CEP126: variants seen among roughly 807,000 people sequenced by gnomAD.
The protein encoded by CEP126 is centrosomal protein 126.
A neutral mutation model predicts 107.8 loss-of-function variants in CEP126; 74 were observed. The ratio of observed to expected loss-of-function variants is 0.69; its 90% confidence interval spans 0.57 to 0.83. The LOEUF (loss-of-function observed/expected upper bound fraction) is 0.83, where lower values mean the gene tolerates loss of function less well. Among genes scored for constraint, CEP126 ranks in the 40% least tolerant of loss-of-function variants. The pLI is 0.00. For synonymous variants in CEP126, 449 were observed against 446.0 expected, an observed-to-expected ratio of 1.01 and a Z score of -0.08; for missense variants, 1,237 against 1,281.9, an observed-to-expected ratio of 0.96 and a Z score of 0.53.
At chr11:101,937,227 G>C (rs140810663) in intron 2 of CEP126, among the ~76,000 whole-genome samples, 40 of 152,314 alleles carry the variant, frequency 2.6e-4, no homozygotes, top group African/African-American at 9.6e-4. Flanking sequence ...ATCTGCGGTT[G>C]TTTGGTCATC....
intron 1 of CEP126, among the ~76,000 whole-genome samples, chr11:101,921,978 T>C (rs1940335490): frequency 6.6e-6 from 1 of 150,508 alleles, no homozygotes; most frequent in Non-Finnish European, 1.5e-5. Context: ...TAGAGACAGG[T>C]TTCACCGTGT....
At chr11:101,996,821 C>T (rs1941446868) in intron 10 of CEP126, among the ~76,000 whole-genome samples, 1 of 152,196 alleles carries the variant, frequency 6.6e-6, no homozygotes, top group East Asian at 1.9e-4. Context: ...TTCCTTCTGG[C>T]GTGCCTAACT....
chr11:101,947,881 A>G, intron 3 of CEP126, 150 bp from the exon 4 acceptor site: 1 of 368,978 alleles, frequency 2.7e-6, no homozygotes, highest in Non-Finnish European at 4.8e-6. Context: ...ATTGAATGTC[A>G]AAATTTAAAG....
Position 101,915,274 on chromosome 11 carries a change from T to G in CEP126, c.-11T>G. The G allele has an allele frequency of 6.2e-7, 1 of 1,613,242 alleles. No individual in the cohort carries two copies. The highest frequency in any genetic ancestry group is 8.5e-7 in the Non-Finnish European group (1 of 1,179,794). On this transcript the variant is annotated 5_prime_UTR_variant, in exon 1 of 11. Transcript: ENST00000263468. Reference sequence around the variant, plus strand: ...CTGGGGGCGAGCAGACAGGCGGCGCTGAAGTGAAGGATGCTGGCGGGGAGG... The same window carrying G: ...CTGGGGGCGAGCAGACAGGCGGCGCGGAAGTGAAGGATGCTGGCGGGGAGG...
chr11:101,988,009 C>T (rs1042798030), intron 9 of CEP126, among the ~76,000 whole-genome samples: 1 of 150,900 alleles, frequency 6.6e-6, no homozygotes, highest in Non-Finnish European at 1.5e-5. Flanking sequence ...AAAAAAGGCA[C>T]CAAGAAAAAA....
intron 5 of CEP126, among the ~76,000 whole-genome samples, chr11:101,960,094 A>C (rs569651205): frequency 8.5e-5 from 13 of 152,220 alleles, no homozygotes; most frequent in Non-Finnish European, 1.9e-4. Flanking sequence ...TACCACAGAA[A>C]GGCACCTAAA....
At chr11:101,970,449 ATAT>A (rs1294585689) in intron 6 of CEP126, among the ~76,000 whole-genome samples, 2 of 152,116 alleles carry the variant, frequency 1.3e-5, no homozygotes, top group African/African-American at 4.8e-5. Flanking sequence ...GGTGCTAGTA[ATAT>A]TCAGTTTCTT....
At chr11:101,939,614 C>G (rs1029789609) in intron 2 of CEP126, among the ~76,000 whole-genome samples, 1 of 152,148 alleles carries the variant, frequency 6.6e-6, no homozygotes, top group African/African-American at 2.4e-5. Context: ...CACTCAGTAC[C>G]AATGAGATGG....
chr11:101,978,956 C>T (rs1273567796), intron 7 of CEP126, among the ~76,000 whole-genome samples: 1 of 151,810 alleles, frequency 6.6e-6, no homozygotes, highest in African/African-American at 2.4e-5. Context: ...TGGTGAAACC[C>T]CCGTCTCTAC....
At chr11:101,922,992 C>T (rs1008308632) in intron 2 of CEP126, among the ~76,000 whole-genome samples, 1 of 152,066 alleles carries the variant, frequency 6.6e-6, no homozygotes, top group East Asian at 1.9e-4. Flanking sequence ...TGTCATAGAA[C>T]AGCTTATTGC....
intron 2 of CEP126, among the ~76,000 whole-genome samples, chr11:101,943,097 CT>C (rs1477361917): frequency 6.9e-6 from 1 of 145,032 alleles, no homozygotes; most frequent in Admixed American, 6.9e-5. Context: ...TTTTTTTTTT[CT>C]TGCCTATTTG....
chr11:101,973,126 A>T (rs1195997687), intron 6 of CEP126, among the ~76,000 whole-genome samples: 2 of 152,220 alleles, frequency 1.3e-5, no homozygotes, highest in Non-Finnish European at 2.9e-5. Context: ...AGCTTTGGAC[A>T]TCTACTGATG....
In CEP126 at chr11:101,958,370, T is replaced by C. The variant is rs577037057; in HGVS notation, c.705+4T>C. 1.4e-5 allele frequency: 22 copies of C among 1,610,088 alleles called. 1 individual carries two copies. Among genetic ancestry groups the C allele is most frequent in the African/African-American group, 8.0e-5 (6 of 74,820 alleles). On this transcript the variant is annotated splice_donor_region_variant and intron_variant, in intron 5 of 10. Coordinates refer to ENST00000263468, the MANE Select transcript of CEP126 (RefSeq NM_020802.4). ...TCAACATCTAAGCAATTTGCAAGTATGAAACTATAAAAATGTTGTTAATAT... is the reference window on the plus strand; with the variant it reads ...TCAACATCTAAGCAATTTGCAAGTACGAAACTATAAAAATGTTGTTAATAT...
At chr11:101,915,571 A>T (rs1940191701) in intron 1 of CEP126, among the ~76,000 whole-genome samples, 159 bp downstream of exon 1, 1 of 152,062 alleles carries the variant, frequency 6.6e-6, no homozygotes, top group African/African-American at 2.4e-5. Flanking sequence ...CTCACCTTAG[A>T]CCTGAAATTA....
chr11:101,925,254 T>C (rs1252028385), intron 2 of CEP126, among the ~76,000 whole-genome samples: 2 of 152,212 alleles, frequency 1.3e-5, no homozygotes, highest in Non-Finnish European at 1.5e-5. Context: ...ATATGCTTCT[T>C]TGTAGACCAA....
chr11:101,936,627 C>T (rs1478138398), intron 2 of CEP126, among the ~76,000 whole-genome samples: 2 of 152,098 alleles, frequency 1.3e-5, no homozygotes, highest in Non-Finnish European at 2.9e-5. Flanking sequence ...ATGAGTAACC[C>T]TCTTTGCCTT....
At position 101,963,314 on chromosome 11, in the gene CEP126, C is replaced by T. The variant is rs751131714; in HGVS notation, c.2279C>T (p.Pro760Leu). Residue 760 changes from proline (P) to leucine (L), a missense_variant, in exon 6 of 11, where the codon CCA becomes CTA. Pro to Leu is a moderately conservative substitution (Grantham distance 98). Transcript: ENST00000263468. ...GGTAGAGCAAAAATAATTAGAAAAC[C>T]AGGATCTGCAAAAGTCCAATCAGGC... ...QRGRAKIIRK[P>L]GSAKVQSGFI... 2 of 1,613,764 alleles carry T rather than the reference C, an allele frequency of 1.2e-6. No homozygotes were observed. The highest frequency in any genetic ancestry group is 1.7e-6 in the Non-Finnish European group (2 of 1,179,946).
chr11:101,948,053 A>C lies in CEP126; in HGVS notation c.417A>C (p.Pro139=). ...TAGTTTCCCGAAAACCAGTTCCTCC[A>C]TTAGAAGAGGCCCTCAAACAAATTC... ...RKAVSRKPVP[P]LEEALKQIQE... The change falls in exon 4 of 11, where the codon CCA becomes CCC. Residue 139 remains proline, a synonymous_variant. Coordinates refer to ENST00000263468, the MANE Select transcript of CEP126 (RefSeq NM_020802.4). The C allele has an allele frequency of 1.9e-6, 3 of 1,611,194 alleles. No homozygotes were observed. Among genetic ancestry groups the C allele is most frequent in the Non-Finnish European group, 2.5e-6 (3 of 1,178,066 alleles).
In CEP126 at chr11:101,954,501, A is replaced by C. The variant is rs557837902; in HGVS notation, c.507-3667A>C. ...CAGCAAGTCTATGCTAGGATCATTA[A>C]ATAACACACATCATCTTTGTTTTAT... On this transcript the variant is annotated intron_variant, in intron 4 of 10. Transcript: ENST00000263468. 8.3e-4 allele frequency among the ~76,000 whole-genome samples: 127 copies of C among 152,330 alleles called. 1 individual carries two copies. Among genetic ancestry groups the C allele is most frequent in the African/African-American group, 2.9e-3 (122 of 41,586 alleles).
Sources: allele counts gnomAD v4.1 joint callset (sites outside exome capture counted in the v4.1 genomes callset), GRCh38; gene constraint gnomAD v4.1.1; transcripts MANE v1.5; gene names NCBI Gene and HGNC (gene_info 2026-07-23, HGNC 2026-07-21).